PTPRS: variants seen among roughly 807,000 people sequenced by gnomAD.
PTPRS encodes protein tyrosine phosphatase receptor type S.
Under a neutral mutation model 215.3 loss-of-function variants are expected in PTPRS, and 63 were observed. The ratio of observed to expected loss-of-function variants is 0.29; its 90% CI spans 0.24 to 0.36. The LOEUF is 0.36. Among genes scored for constraint, PTPRS ranks in the 10% least tolerant of loss-of-function variants. PTPRS has a pLI of 1.00. For missense variants in PTPRS, 2,258 were observed against 2,825.8 expected (o/e 0.80, Z 4.56); for synonymous variants, 1,404 against 1,191.4 (o/e 1.18, Z -3.68).
intron 1 of PTPRS, among the ~76,000 whole-genome samples, chr19:5,312,524 G>T (rs1273697432): frequency 1.3e-5 from 2 of 152,070 alleles, no homozygotes; most frequent in African/African-American, 4.8e-5. Flanking sequence ...AGCCAGGCGT[G>T]GTGGCGCATG....
At chr19:5,236,848 G>GA (rs201543336) in intron 13 of PTPRS, among the ~76,000 whole-genome samples, 51,571 of 125,820 alleles carry the variant, frequency 0.41, 9,891 homozygotes, top group Admixed American at 0.5. Context: ...GGGAGCAGGG[G>GA]GAAAAAAAAA....
chr19:5,329,230 G>A (rs2050250626), intron 1 of PTPRS, among the ~76,000 whole-genome samples: 1 of 152,148 alleles, frequency 6.6e-6, no homozygotes, highest in Non-Finnish European at 1.5e-5. Flanking sequence ...ACAAAGGGGA[G>A]GGGAAGAGGA....
Position 5,257,084 on chromosome 19 carries a change from T to G in PTPRS, c.706+933A>C. Reference sequence around the variant, plus strand: ...CTGATCAGAAACAGCGACTAGGAGGTGAAAGGGAGGAGGAGGAGGAAGACT... The same window carrying G: ...CTGATCAGAAACAGCGACTAGGAGGGGAAAGGGAGGAGGAGGAGGAAGACT... On this transcript the variant is annotated intron_variant, in intron 8 of 37. Coordinates refer to ENST00000262963, the MANE Select transcript of PTPRS (RefSeq NM_002850.4). This position sits in a 1 kb window ranked among gnomAD's most constrained non-coding sequence, Gnocchi z 4.4. Among the ~76,000 whole-genome samples the G allele has an allele frequency of 7.1e-6, 1 of 140,990 alleles. No homozygotes were observed. Among genetic ancestry groups the G allele is most frequent in the African/African-American group, 2.7e-5 (1 of 37,296 alleles). 92.5% of individuals were successfully genotyped at this position (140,990 alleles called of 152,430 possible).
chr19:5,216,025 C>T (rs1263577222), intron 26 of PTPRS, among the ~76,000 whole-genome samples: 2 of 152,170 alleles, frequency 1.3e-5, no homozygotes, highest in African/African-American at 2.4e-5. Context: ...AAATACTGTC[C>T]TTGGGTGGGC....
At chr19:5,313,107 G>A (rs1388494480) in intron 1 of PTPRS, among the ~76,000 whole-genome samples, 2 of 152,200 alleles carry the variant, frequency 1.3e-5, no homozygotes, top group Admixed American at 6.5e-5. Flanking sequence ...AGCAGAGACA[G>A]GGTTTCACCA....
intron 2 of PTPRS, among the ~76,000 whole-genome samples, chr19:5,275,352 G>A (rs1313959436): frequency 1.3e-5 from 2 of 151,692 alleles, no homozygotes; most frequent in Non-Finnish European, 2.9e-5. Flanking sequence ...TTACAGGCAT[G>A]AGCCGCTGCA....
intron 2 of PTPRS, among the ~76,000 whole-genome samples, chr19:5,282,216 C>A (rs1204486950): frequency 6.6e-6 from 1 of 152,132 alleles, no homozygotes; most frequent in East Asian, 1.9e-4. Flanking sequence ...CTCGGAAGCA[C>A]CCCCATCACT....
chr19:5,239,258 G>A (rs2043790158), intron 12 of PTPRS, among the ~76,000 whole-genome samples, 195 bp from the exon 13 acceptor site: 1 of 151,678 alleles, frequency 6.6e-6, no homozygotes, highest in Admixed American at 6.6e-5. Context: ...AGAGGGGAGA[G>A]AGAGGTAGAG....
Position 5,293,785 on chromosome 19 carries a change from G to A in PTPRS, c.-94-7551C>T, listed in dbSNP as rs1404337420. 6.6e-6 allele frequency among the ~76,000 whole-genome samples: 1 copy of A among 152,160 alleles called. No individual in the cohort carries two copies. Among genetic ancestry groups the A allele is most frequent in the Non-Finnish European group, 1.5e-5 (1 of 68,018 alleles). ...GGGCGCAGAGGCTTCCCTCCCGCTG[G>A]GGGTCCAGGGGAATGAATGGGGGGA... is the stretch of plus-strand genomic sequence containing the variant. On this transcript the variant is annotated intron_variant, in intron 1 of 37. Transcript: ENST00000262963. The surrounding 1 kb of genome is among the most constrained non-coding windows in gnomAD (Gnocchi z 8.4).
At chr19:5,302,706 C>A (rs1350162614) in intron 1 of PTPRS, among the ~76,000 whole-genome samples, 3 of 152,054 alleles carry the variant, frequency 2.0e-5, no homozygotes, top group African/African-American at 7.2e-5. Flanking sequence ...TGCCGGATGC[C>A]TCCTCCAGAG....
rs1226036907 is a variant in PTPRS, at chr19:5,315,366, T to C, written c.-95+25298A>G. Among the ~76,000 whole-genome samples, 37 of 128,770 alleles carry C rather than the reference T, an allele frequency of 2.9e-4. 2 individuals carry two copies. The highest frequency in any genetic ancestry group is 4.9e-4 in the Non-Finnish European group (29 of 59,484). The allele number at this position is 128,770 out of a possible 152,430, so 84.5% of individuals were successfully genotyped here. A position where few individuals can be genotyped will look rare whatever the true frequency, so the allele number is the denominator to read the frequency against. Reference sequence around the variant, plus strand: ...TTTGAAAAGGGTTTTTTTTTTTTTTTTTTTTTTTTTTTTTTGAGACAGAGT... The same window carrying C: ...TTTGAAAAGGGTTTTTTTTTTTTTTCTTTTTTTTTTTTTTTGAGACAGAGT... On this transcript the variant is annotated intron_variant, in intron 1 of 37. Coordinates refer to ENST00000262963, the MANE Select transcript of PTPRS (RefSeq NM_002850.4).
intron 1 of PTPRS, among the ~76,000 whole-genome samples, chr19:5,298,001 G>C (rs186073164): frequency 5.9e-5 from 9 of 151,876 alleles, no homozygotes; most frequent in African/African-American, 2.2e-4. Context: ...TCACTATGTT[G>C]GCCAGACTGG....
In PTPRS at chr19:5,245,899, C is replaced by T. The variant is rs745467530; in HGVS notation, c.865G>A (p.Asp289Asn). 1.2e-4 allele frequency: 201 copies of T among 1,613,950 alleles called. No homozygotes were observed. Among genetic ancestry groups the T allele is most frequent in the Non-Finnish European group, 1.6e-4 (194 of 1,180,008 alleles). Residue 289 changes from aspartate (D) to asparagine (N), a missense_variant, in exon 10 of 38, where the codon GAT (aspartate) becomes AAT (asparagine). Transcript: ENST00000262963. ...ACGTTCCGACCCACGGGCATGTCAT[C>T]CTCGGGGGTCAGGTCCTCGGCCCCC... ...MQGAEDLTPE[D>N]DMPVGRNVLE...
rs1161522719 is a variant in PTPRS at position 5,211,644 on chromosome 19, A to G, written c.5180T>C (p.Ile1727Thr). 6.2e-7 allele frequency: 1 copy of G among 1,613,920 alleles called. No individual in the cohort carries two copies. Among genetic ancestry groups the G allele is most frequent in the Non-Finnish European group, 8.5e-7 (1 of 1,179,902 alleles). Residue 1727 changes from isoleucine to threonine, a missense_variant, in exon 33 of 38, where the codon ATC (isoleucine) becomes ACC (threonine). This residue lies in a region of PTPRS where 927 missense variants were observed against 1,125.9 expected (regional missense o/e 0.82). Transcript: ENST00000262963. ...YESTRVCLQP[I>T]RGVEGSDYIN... ...GTAGTCAGAGCCCTCCACACCCCGG[A>G]TGGGTTGCAGACAGACCCGTGTGCT...
rs769785800 is a variant in PTPRS at position 5,220,359 on chromosome 19, G to C, written c.3456-6C>G. On this transcript the variant is annotated splice_polypyrimidine_tract_variant and splice_region_variant and intron_variant, in intron 20 of 37. Coordinates refer to ENST00000262963, the MANE Select transcript of PTPRS (RefSeq NM_002850.4). Reference sequence around the variant, plus strand: ...CCATCACAATGAAATAGCTCCTGTAGGGAGATGGGAAAGAGTCAGAGGGGC... The same window carrying C: ...CCATCACAATGAAATAGCTCCTGTACGGAGATGGGAAAGAGTCAGAGGGGC... 28 of 1,611,080 alleles carry C rather than the reference G, an allele frequency of 1.7e-5. No individual in the cohort carries two copies. The South Asian group carries it at 2.2e-4, about 13-fold the overall frequency.
rs2043513447 is a variant in PTPRS at position 5,237,021 on chromosome 19, A to C, written c.1849+1898T>G. Among the ~76,000 whole-genome samples, 1 of 152,226 alleles carries C rather than the reference A, an allele frequency of 6.6e-6. No individual in the cohort carries two copies. Among genetic ancestry groups the C allele is most frequent in the South Asian group, 2.1e-4 (1 of 4,830 alleles). ...GAAAGACTCCTTCCAGAAAACGCCC[A>C]GTCTGGTTACCTACCTTCCACTCTT... On this transcript the variant is annotated intron_variant, in intron 13 of 37. Transcript: ENST00000262963. The surrounding 1 kb of genome is among the most constrained non-coding windows in gnomAD (Gnocchi z 4.2).
intron 16 of PTPRS, among the ~76,000 whole-genome samples, chr19:5,226,185 C>T (rs980988553): frequency 3.3e-5 from 5 of 152,214 alleles, no homozygotes. Flanking sequence ...CCCCGCTCTC[C>T]CCACAGCCCT....
chr19:5,324,073 T>C (rs747243533), intron 1 of PTPRS, among the ~76,000 whole-genome samples: 6 of 151,072 alleles, frequency 4.0e-5, no homozygotes, highest in Non-Finnish European at 7.4e-5. Flanking sequence ...CTACAAAAAA[T>C]ACAAAAATCA....
In PTPRS at chr19:5,229,703, G is replaced by A. The variant is rs2042853209; in HGVS notation, c.2156-19C>T. ...CTGGGCACTGGCGGGCGGGAGGGGAGGGGAGGGGCGGGCGGAGCCGTTACC... is the reference window on the plus strand; with the variant it reads ...CTGGGCACTGGCGGGCGGGAGGGGAAGGGAGGGGCGGGCGGAGCCGTTACC... On this transcript the variant is annotated intron_variant, in intron 14 of 37. Transcript: ENST00000262963. The A allele has an allele frequency of 1.6e-6, 2 of 1,233,614 alleles. No individual in the cohort carries two copies. Among genetic ancestry groups the A allele is most frequent in the South Asian group, 6.7e-5 (2 of 30,058 alleles). The allele number at this position is 1,233,614 out of a possible 1,614,324, so 76.4% of individuals were successfully genotyped here.
Sources: allele counts gnomAD v4.1 joint callset (sites outside exome capture counted in the v4.1 genomes callset), GRCh38; gene constraint gnomAD v4.1.1; regional missense constraint gnomAD v4.1.1; non-coding constraint Gnocchi (gnomAD v3.1); transcripts MANE v1.5; gene names NCBI Gene and HGNC (gene_info 2026-07-23, HGNC 2026-07-21).